The following SCAPER variants were observed in gnomAD, a reference collection of about 807,000 sequenced individuals.
The protein encoded by SCAPER is S phase cyclin A-associated protein in the endoplasmic reticulum.
SCAPER carries 98 observed loss-of-function variants against 182.2 expected under a neutral mutation model. That is an observed-to-expected ratio of 0.54 (90% CI 0.46 to 0.64). The LOEUF (loss-of-function observed/expected upper bound fraction) is 0.64. Ranked by LOEUF, SCAPER falls within the 30% of genes least tolerant of loss-of-function variation. The pLI is 0.00. For synonymous variants in SCAPER, 605 were observed against 564.6 expected (o/e 1.07, Z -1.01); for missense variants, 1,432 against 1,690.0 (o/e 0.85, Z 2.68).
rs552655776 is a variant in SCAPER, at chr15:76,840,261, T to G, written c.393+1473A>C. ...GATGCATCCTCATCGCTACAAAAAT[T>G]TTTTTAAAATTAGCCAGGCATGGTG... On this transcript the variant is annotated intron_variant, in intron 5 of 31. Transcript: ENST00000563290. Among the ~76,000 whole-genome samples, 4 of 151,762 alleles carry G rather than the reference T, an allele frequency of 2.6e-5. No homozygotes were observed. The East Asian group carries it at 7.8e-4, about 29-fold the overall frequency.
At chr15:76,601,737 T>C (rs2049946331) in intron 22 of SCAPER, among the ~76,000 whole-genome samples, 1 of 122,084 alleles carries the variant, frequency 8.2e-6, no homozygotes, top group African/African-American at 2.5e-5. Context: ...AATAATGCTA[T>C]ACTGCTTCAC....
chr15:76,508,355 C>T (rs1338096569), intron 23 of SCAPER, among the ~76,000 whole-genome samples: 1 of 152,114 alleles, frequency 6.6e-6, no homozygotes, highest in South Asian at 2.1e-4. Flanking sequence ...ACACTTTGGA[C>T]AACACTCCTT....
intron 15 of SCAPER, among the ~76,000 whole-genome samples, chr15:76,734,638 G>A (rs2061133840): frequency 6.6e-6 from 1 of 152,158 alleles, no homozygotes; most frequent in South Asian, 2.1e-4. Context: ...AGCACTTTGG[G>A]AGGCTGAGGC....
intron 20 of SCAPER, among the ~76,000 whole-genome samples, chr15:76,675,782 C>T (rs917561201): frequency 5.3e-5 from 8 of 152,008 alleles, no homozygotes; most frequent in Admixed American, 2.6e-4. Context: ...GGGCATGCAG[C>T]ACTCTTCAAT....
chr15:76,474,666 G>A (rs1447678394), intron 24 of SCAPER, among the ~76,000 whole-genome samples: 1 of 152,152 alleles, frequency 6.6e-6, no homozygotes, highest in Admixed American at 6.5e-5. Flanking sequence ...ACATGATTAA[G>A]TACTTAATAA....
At chr15:76,818,574 C>CA (rs1454788635) in intron 5 of SCAPER, among the ~76,000 whole-genome samples, 5 of 151,522 alleles carry the variant, frequency 3.3e-5, no homozygotes, top group East Asian at 1.9e-4. Flanking sequence ...CCAAAACATA[C>CA]AAAAAACTCT....
At chr15:76,812,160 A>G (rs1568215092) in intron 5 of SCAPER, among the ~76,000 whole-genome samples, 1 of 151,980 alleles carries the variant, frequency 6.6e-6, no homozygotes, top group Non-Finnish European at 1.5e-5. Flanking sequence ...TTAAAAACAC[A>G]AAACTTAGCC....
chr15:76,784,244 GACAA>G (rs79668466), intron 8 of SCAPER, among the ~76,000 whole-genome samples: 10,171 of 152,136 alleles, frequency 0.067, 365 homozygotes, highest in Middle Eastern at 0.11. Flanking sequence ...ACCAATAACA[GACAA>G]ACAGAGAGCC....
At chr15:76,668,042 G>A (rs928191660) in intron 20 of SCAPER, among the ~76,000 whole-genome samples, 3 of 151,828 alleles carry the variant, frequency 2.0e-5, no homozygotes, top group Non-Finnish European at 2.9e-5. Flanking sequence ...AAAATAACAC[G>A]TCTACAACAA....
intron 17 of SCAPER, 98 bp downstream of exon 17, chr15:76,728,497 C>T (rs1217276505): frequency 6.7e-7 from 1 of 1,503,418 alleles, no homozygotes; most frequent in Non-Finnish European, 9.1e-7. Flanking sequence ...CGCAAAACCT[C>T]ATCTCAAAAA....
chr15:76,723,918 T>A (rs1210002736), intron 17 of SCAPER, among the ~76,000 whole-genome samples: 1 of 152,224 alleles, frequency 6.6e-6, no homozygotes. Context: ...TTTAGCCCAT[T>A]TACATTTAAG....
intron 26 of SCAPER, among the ~76,000 whole-genome samples, chr15:76,415,540 G>C (rs2045587698): frequency 6.6e-6 from 1 of 152,076 alleles, no homozygotes; most frequent in South Asian, 2.1e-4. Context: ...AAATGAATCA[G>C]CTAGATCTAT....
intron 5 of SCAPER, among the ~76,000 whole-genome samples, chr15:76,810,158 A>G (rs2066482796): frequency 6.6e-6 from 1 of 152,210 alleles, no homozygotes; most frequent in East Asian, 1.9e-4. Flanking sequence ...TGAAAGCATA[A>G]GTAAGCAATT....
chr15:76,485,729 T>G (rs989044255), intron 24 of SCAPER, among the ~76,000 whole-genome samples: 1 of 152,062 alleles, frequency 6.6e-6, no homozygotes, highest in Non-Finnish European at 1.5e-5. Flanking sequence ...GAAATAAGAC[T>G]GCATACCTAC....
At chr15:76,434,394 A>C in intron 25 of SCAPER, 84 bp from the exon 26 acceptor site, 1 of 976,128 alleles carries the variant, frequency 1.0e-6, no homozygotes, top group Non-Finnish European at 1.5e-6. Flanking sequence ...TTCTGGAATC[A>C]TAAGTAATTT....
chr15:76,498,456 C>T (rs1174055555), intron 24 of SCAPER: 3 of 152,178 alleles, frequency 2.0e-5, no homozygotes, highest in African/African-American at 7.2e-5. Context: ...CTCAATAAGT[C>T]ACGGGAGAGC....
intron 8 of SCAPER, among the ~76,000 whole-genome samples, chr15:76,791,250 T>C (rs2064986776): frequency 6.6e-6 from 1 of 152,208 alleles, no homozygotes; most frequent in South Asian, 2.1e-4. Context: ...TGATTATGTA[T>C]TTGGACTTAC....
chr15:76,845,264 A>G (rs1429607944), intron 4 of SCAPER, among the ~76,000 whole-genome samples: 1 of 152,200 alleles, frequency 6.6e-6, no homozygotes, highest in Non-Finnish European at 1.5e-5. Context: ...AGCTAGTATC[A>G]TACTGAATGT....
chr15:76,835,327 C>T (rs1317629713), intron 5 of SCAPER, among the ~76,000 whole-genome samples: 1 of 151,970 alleles, frequency 6.6e-6, no homozygotes, highest in Non-Finnish European at 1.5e-5. Context: ...TCAAGCAGCA[C>T]ATCAAAAAGT....
Sources: allele counts gnomAD v4.1 joint callset (sites outside exome capture counted in the v4.1 genomes callset), GRCh38; gene constraint gnomAD v4.1.1; transcripts MANE v1.5; gene names NCBI Gene and HGNC (gene_info 2026-07-23, HGNC 2026-07-21).